The following DCC variants were observed in gnomAD, a reference collection of about 807,000 sequenced individuals.
DCC encodes DCC netrin 1 receptor, also known as netrin receptor DCC.
In DCC, 58 loss-of-function variants were observed where a neutral mutation model predicts 172.5. The observed-to-expected ratio is 0.34, with a 90% CI of 0.27 to 0.42. DCC has a LOEUF of 0.42. Among genes scored for constraint, DCC ranks in the 10% least tolerant of loss-of-function variants. DCC has a pLI of 1.00. For missense variants in DCC, 1,740 were observed against 1,791.0 expected, an observed-to-expected ratio of 0.97 and a Z score of 0.51; for synonymous variants, 709 against 644.5, an observed-to-expected ratio of 1.10 and a Z score of -1.52.
chr18:53,191,220 G>T (rs2144512329), intron 9 of DCC, among the ~76,000 whole-genome samples: 1 of 152,212 alleles, frequency 6.6e-6, no homozygotes, highest in African/African-American at 2.4e-5. Flanking sequence ...TCACAAAAAT[G>T]TTGAGGACTC....
intron 25 of DCC, among the ~76,000 whole-genome samples, chr18:53,477,234 C>T (rs1407588124): frequency 6.6e-6 from 1 of 152,154 alleles, no homozygotes; most frequent in Non-Finnish European, 1.5e-5. Context: ...GTCTCAAACT[C>T]CTGGGCTCAA....
intron 5 of DCC, among the ~76,000 whole-genome samples, chr18:53,034,750 G>C (rs2042069802): frequency 6.6e-6 from 1 of 151,582 alleles, no homozygotes; most frequent in South Asian, 2.1e-4. Flanking sequence ...CAAAGCTCTG[G>C]AAATAGTCCA....
intron 2 of DCC, among the ~76,000 whole-genome samples, chr18:52,831,225 G>C (rs140704992): frequency 6.6e-6 from 1 of 152,138 alleles, no homozygotes; most frequent in Admixed American, 6.5e-5. Flanking sequence ...AGTATGTCTA[G>C]AGTGAAGTGA....
intron 2 of DCC, among the ~76,000 whole-genome samples, chr18:52,811,796 C>T (rs955341987): frequency 2.0e-5 from 3 of 152,060 alleles, no homozygotes; most frequent in Non-Finnish European, 4.4e-5. Flanking sequence ...CTCTAATTCT[C>T]TTATATAATT....
chr18:52,481,220 G>C (rs1399250169), intron 1 of DCC, among the ~76,000 whole-genome samples: 1 of 152,202 alleles, frequency 6.6e-6, no homozygotes, highest in Non-Finnish European at 1.5e-5. Flanking sequence ...ACCCATGGGA[G>C]TGAAGTGTTG....
intron 1 of DCC, among the ~76,000 whole-genome samples, chr18:52,738,100 C>CA (rs1380318275): frequency 1.3e-5 from 2 of 152,126 alleles, no homozygotes; most frequent in East Asian, 1.9e-4. Flanking sequence ...CCACAGAGCG[C>CA]AAAAAAATTT....
At chr18:53,281,641 A>T (rs1019471897) in intron 12 of DCC, among the ~76,000 whole-genome samples, 11 of 152,030 alleles carry the variant, frequency 7.2e-5, no homozygotes, top group African/African-American at 2.7e-4. Flanking sequence ...ACTGGCTCAT[A>T]TGAGCCCATT....
At chr18:53,026,324 A>G (rs1405752812) in intron 5 of DCC, among the ~76,000 whole-genome samples, 1 of 151,858 alleles carries the variant, frequency 6.6e-6, no homozygotes, top group East Asian at 1.9e-4. Flanking sequence ...TTTGTCTTTT[A>G]TGTCTTATCT....
At chr18:53,183,343 C>A (rs1411206731) in intron 9 of DCC, among the ~76,000 whole-genome samples, 2 of 152,128 alleles carry the variant, frequency 1.3e-5, no homozygotes, top group African/African-American at 4.8e-5. Flanking sequence ...TGGTATCTTC[C>A]TTTGCTAAAC....
Position 53,355,047 on chromosome 18 carries a change from C to T in DCC, c.2359+15140C>T, listed in dbSNP as rs545158908. ...TAAATAGGGAATCCTTTCCCCATTT[C>T]TTGTTTTTGTCAGGTTTGTCTAAGA... On this transcript the variant is annotated intron_variant, in intron 15 of 28. Transcript: ENST00000442544. Among the ~76,000 whole-genome samples the T allele has an allele frequency of 8.5e-5, 13 of 152,082 alleles. No individual in the cohort carries two copies. In the East Asian group the frequency reaches 2.5e-3, roughly 29 times the overall value.
chr18:53,384,275 A>G (rs1907977828), intron 15 of DCC, among the ~76,000 whole-genome samples: 1 of 152,158 alleles, frequency 6.6e-6, no homozygotes, highest in South Asian at 2.1e-4. Context: ...GAGTATCTAA[A>G]GTTACTCTAA....
chr18:52,649,236 G>A (rs1381295368), intron 1 of DCC, among the ~76,000 whole-genome samples: 1 of 152,010 alleles, frequency 6.6e-6, no homozygotes, highest in East Asian at 1.9e-4. Context: ...AGCCAGGCGT[G>A]GTGGCAGGCA....
chr18:53,226,218 A>T (rs758788737), intron 12 of DCC, among the ~76,000 whole-genome samples: 1 of 152,178 alleles, frequency 6.6e-6, no homozygotes, highest in Admixed American at 6.5e-5. Flanking sequence ...TACAAAAATA[A>T]GCCTTGCATT....
At position 52,465,658 on chromosome 18, in the gene DCC, C is replaced by T. The variant is rs1008634707; in HGVS notation, c.91+124780C>T. 2.0e-5 allele frequency among the ~76,000 whole-genome samples: 3 copies of T among 152,254 alleles called. No individual in the cohort carries two copies. The South Asian group carries it at 6.2e-4, about 32-fold the overall frequency. On this transcript the variant is annotated intron_variant, in intron 1 of 28. Transcript: ENST00000442544. ...TGAAGTCATTCAATTCAGTCCTAGA[C>T]CACTAGCCTGGATCCTTTAAAAAGC... is the stretch of plus-strand genomic sequence containing the variant.
At chr18:53,435,915 G>A (rs1025060220) in intron 22 of DCC, among the ~76,000 whole-genome samples, 20 of 152,152 alleles carry the variant, frequency 1.3e-4, no homozygotes, top group African/African-American at 4.3e-4. Context: ...GGGGACTAAT[G>A]TATGTATGAG....
rs1477138389 is a variant in DCC, at chr18:53,486,787, T to A, written c.3737-10T>A. The A allele has an allele frequency of 1.2e-6, 2 of 1,614,184 alleles. No individual in the cohort carries two copies. Among genetic ancestry groups the A allele is most frequent in the Non-Finnish European group, 1.7e-6 (2 of 1,180,034 alleles). On this transcript the variant is annotated splice_polypyrimidine_tract_variant and intron_variant, in intron 25 of 28. Coordinates refer to ENST00000442544, the MANE Select transcript of DCC (RefSeq NM_005215.4). ...GGTTCAAAAAACCCATTAACCTTTT[T>A]CTTTTGCAGCTGTCGTGAGCGCCAT...
intron 1 of DCC, among the ~76,000 whole-genome samples, chr18:52,734,649 C>T (rs1378686998): frequency 2.0e-5 from 3 of 152,046 alleles, no homozygotes; most frequent in African/African-American, 7.2e-5. Context: ...GCTTTAGACC[C>T]AGTGGAAAGT....
chr18:52,814,639 C>T (rs534543977), intron 2 of DCC, among the ~76,000 whole-genome samples: 1 of 152,262 alleles, frequency 6.6e-6, no homozygotes, highest in Non-Finnish European at 1.5e-5. Context: ...TACGCTTCCT[C>T]CCAAAATTAT....
intron 12 of DCC, among the ~76,000 whole-genome samples, chr18:53,303,360 G>GAAAAA (rs1387068401): frequency 6.6e-5 from 10 of 152,060 alleles, no homozygotes; most frequent in Non-Finnish European, 1.2e-4. Flanking sequence ...CGTCTTTTTG[G>GAAAAA]ATTTCATTCT....
Sources: gnomAD v4.1 joint callset for allele counts (sites outside exome capture counted in the v4.1 genomes callset) on GRCh38, gnomAD v4.1.1 for gene constraint, MANE v1.5 for transcripts, NCBI Gene and HGNC (gene_info 2026-07-23, HGNC 2026-07-21) for gene names.